Variants in POLR3D observed in about 807,000 individuals in gnomAD.
The protein encoded by POLR3D is RNA polymerase III subunit D.
A neutral mutation model predicts 44.5 loss-of-function variants in POLR3D; 42 were observed. That is an observed-to-expected ratio of 0.94 (90% CI 0.74 to 1.22). The LOEUF is 1.22. Ranked by LOEUF, POLR3D falls within the 50% of genes most tolerant of loss-of-function variation. The pLI is 0.00. For missense variants in POLR3D, 507 were observed against 505.2 expected, an observed-to-expected ratio of 1.00 and a Z score of -0.03; for synonymous variants, 217 against 198.1, an observed-to-expected ratio of 1.10 and a Z score of -0.80.
chr8:22,249,172 A>G lies in POLR3D; in HGVS notation c.784A>G (p.Lys262Glu). 6.2e-7 allele frequency: 1 copy of G among 1,614,050 alleles called. No homozygotes were observed. The highest frequency in any genetic ancestry group is 2.2e-5 in the East Asian group (1 of 44,868). The change falls in exon 7 of 9, where the codon AAG (lysine) becomes GAG (glutamate). Residue 262 changes from lysine to glutamate, a missense_variant. Physicochemically the swap from Lys to Glu is moderately conservative, Grantham distance 56 (BLOSUM62 1). Transcript: ENST00000306433. ...AELLRELSLT[K>E]EEELLFLQLP... ...GCTGCTGAGGGAGCTGAGCCTCACC[A>G]AGGAAGAGGAACTGCTGTTTCTGCA...
Position 22,250,881 on chromosome 8 carries a change from A to T in POLR3D, c.*363A>T, listed in dbSNP as rs1163189795. Reference sequence around the variant, plus strand: ...GGTTGCAGGGGCAGGAAGCGTGTGGACTGCAGCTTCTGCTGGTGCTCCCCC... The same window carrying T: ...GGTTGCAGGGGCAGGAAGCGTGTGGTCTGCAGCTTCTGCTGGTGCTCCCCC... On this transcript the variant is annotated 3_prime_UTR_variant, in exon 9 of 9. Coordinates refer to ENST00000306433, the MANE Select transcript of POLR3D (RefSeq NM_001722.3). 2.2e-5 allele frequency: 6 copies of T among 275,658 alleles called. No homozygotes were observed. Among genetic ancestry groups the T allele is most frequent in the Admixed American group, 4.4e-5 (1 of 22,650 alleles). The allele number at this position is 275,658 out of a possible 1,614,324, so 17.1% of individuals were successfully genotyped here.
At chr8:22,249,961 G>A in intron 7 of POLR3D, 114 bp from the exon 8 acceptor site, 1 of 1,161,400 alleles carries the variant, frequency 8.6e-7, no homozygotes, top group Non-Finnish European at 1.2e-6. Flanking sequence ...GGCACTCTTT[G>A]GGGAGCTCAT....
At position 22,250,711 on chromosome 8, in the gene POLR3D, G is replaced by A. The variant is rs144430925; in HGVS notation, c.*193G>A. 1.7e-5 allele frequency: 11 copies of A among 642,622 alleles called. No individual in the cohort carries two copies. Among genetic ancestry groups the A allele is most frequent in the East Asian group, 2.7e-5 (1 of 37,470 alleles). 39.8% of individuals were successfully genotyped at this position (642,622 alleles called of 1,614,324 possible). A position where few individuals can be genotyped will look rare whatever the true frequency, so the allele number is the denominator to read the frequency against. ...AATGGCACAGTGACCTTCCTGCAGC[G>A]TGGAGATGGCACATCCTTGCTGCTG... is the stretch of plus-strand genomic sequence containing the variant. On this transcript the variant is annotated 3_prime_UTR_variant, in exon 9 of 9. Coordinates refer to ENST00000306433, the MANE Select transcript of POLR3D (RefSeq NM_001722.3).
chr8:22,248,257 G>A lies in POLR3D; in HGVS notation c.465G>A (p.Leu155=). ...CAGACGAAGAAACTAAACAGATCTTGCGTATGCTGGAGAAGGACGATGTGG... is the reference window on the plus strand; with the variant it reads ...CAGACGAAGAAACTAAACAGATCTTACGTATGCTGGAGAAGGACGATGTGG... ...RETDEETKQI[L]RMLEKDDFLD... Residue 155 remains leucine, a synonymous_variant, in exon 5 of 9, where the codon TTG becomes TTA. Transcript: ENST00000306433. The A allele has an allele frequency of 6.2e-7, 1 of 1,614,134 alleles. No individual in the cohort carries two copies. The highest frequency in any genetic ancestry group is 8.5e-7 in the Non-Finnish European group (1 of 1,180,000).
rs768028113 is a variant in POLR3D at position 22,253,592 on chromosome 8, TTTA to T, written c.*3077_*3079del. 2.6e-5 allele frequency: 4 copies of T among 152,260 alleles called. No homozygotes were observed. Among genetic ancestry groups the T allele is most frequent in the Non-Finnish European group, 4.4e-5 (3 of 68,048 alleles). 9.4% of individuals were successfully genotyped at this position (152,260 alleles called of 1,614,324 possible). ...AACTTTTTAAAATATTCAGTCACCT[TTTA>T]TTCTACTAAAATCAATTTTAACATT... is the stretch of plus-strand genomic sequence containing the variant. On this transcript the variant is annotated 3_prime_UTR_variant, in exon 9 of 9. Coordinates refer to ENST00000306433, the MANE Select transcript of POLR3D (RefSeq NM_001722.3).
At position 22,252,549 on chromosome 8, in the gene POLR3D, C is replaced by T. The variant is rs77689422; in HGVS notation, c.*2031C>T. ...GAACCTTATGACTCCGTATCAAAGT[C>T]CTCACAACCTGTCTCAGATCCCTGA... is the stretch of plus-strand genomic sequence containing the variant. On this transcript the variant is annotated 3_prime_UTR_variant, in exon 9 of 9. Transcript: ENST00000306433. 1.1e-4 allele frequency: 16 copies of T among 152,278 alleles called. No individual in the cohort carries two copies. The highest frequency in any genetic ancestry group is 3.8e-4 in the African/African-American group (16 of 41,564). The allele number at this position is 152,278 out of a possible 1,614,324, so 9.4% of individuals were successfully genotyped here.
rs760996144 is a variant in POLR3D at position 22,248,622 on chromosome 8, A to G, written c.628A>G (p.Met210Val). Residue 210 changes from methionine (M) to valine (V), a missense_variant, in exon 6 of 9, where the codon ATG becomes GTG. Physicochemically the swap from Met to Val is conservative, Grantham distance 21. Transcript: ENST00000306433. ...GCTGGCTGGCCCCAAGGAAGAGGACATGGAGGTGGACATACCTGCTGTGAA... is the reference window on the plus strand; with the variant it reads ...GCTGGCTGGCCCCAAGGAAGAGGACGTGGAGGTGGACATACCTGCTGTGAA... Reference protein sequence around the residue: ...PWLAGPKEEDMEVDIPAVKVK... With the variant: ...PWLAGPKEEDVEVDIPAVKVK... The G allele has an allele frequency of 1.2e-6, 2 of 1,613,880 alleles. No homozygotes were observed. Among genetic ancestry groups the G allele is most frequent in the Non-Finnish European group, 1.7e-6 (2 of 1,179,982 alleles).
chr8:22,245,519 C>G lies in POLR3D; in HGVS notation c.70C>G (p.Arg24Gly), dbSNP rs1006397319. ...GCCCCGACCTCTCCTGACTGGGGCC[C>G]GGGGGCTCATCGGGCGGCGGCCGGC... ...GGPRPLLTGA[R>G]GLIGRRPAPP... is the part of the protein sequence containing the mutation. Residue 24 changes from arginine (R) to glycine (G), a missense_variant, in exon 2 of 9, where the codon CGG (arginine) becomes GGG (glycine). Transcript: ENST00000306433. The G allele has an allele frequency of 1.1e-5, 14 of 1,280,670 alleles. No homozygotes were observed. In the African/African-American group the frequency reaches 1.7e-4, roughly 15 times the overall value. The allele number at this position is 1,280,670 out of a possible 1,614,324, so 79.3% of individuals were successfully genotyped here. A position where few individuals can be genotyped will look rare whatever the true frequency, so the allele number is the denominator to read the frequency against.
intron 3 of POLR3D, among the ~76,000 whole-genome samples, chr8:22,247,566 T>C (rs2131948236): frequency 6.6e-6 from 1 of 152,330 alleles, no homozygotes; most frequent in Non-Finnish European, 1.5e-5. Context: ...AACAAAGATG[T>C]ATCACACTTT....
Position 22,253,639 on chromosome 8 carries a change from T to C in POLR3D, c.*3121T>C, listed in dbSNP as rs1175955083. ...TAACATTTTAGTGTATATTATTTTA[T>C]TTTAGATTCAGCAGGTACATGAGCA... is the stretch of plus-strand genomic sequence containing the variant. On this transcript the variant is annotated 3_prime_UTR_variant, in exon 9 of 9. Coordinates refer to ENST00000306433, the MANE Select transcript of POLR3D (RefSeq NM_001722.3). 2 of 152,228 alleles carry C rather than the reference T, an allele frequency of 1.3e-5. No individual in the cohort carries two copies. Among genetic ancestry groups the C allele is most frequent in the African/African-American group, 2.4e-5 (1 of 41,466 alleles). The allele number at this position is 152,228 out of a possible 1,614,324, so 9.4% of individuals were successfully genotyped here. A position where few individuals can be genotyped will look rare whatever the true frequency, so the allele number is the denominator to read the frequency against.
chr8:22,249,927 C>A, intron 7 of POLR3D, 148 bp from the exon 8 acceptor site: 1 of 736,032 alleles, frequency 1.4e-6, no homozygotes, highest in Non-Finnish European at 2.2e-6. Context: ...TGTATTTTAA[C>A]CATAGCAGAC....
chr8:22,249,887 T>A (rs1479131711), intron 7 of POLR3D, among the ~76,000 whole-genome samples, 188 bp from the exon 8 acceptor site: 1 of 152,192 alleles, frequency 6.6e-6, no homozygotes, highest in Non-Finnish European at 1.5e-5. Flanking sequence ...TGATATTTTG[T>A]CCGTGTATGT....
In POLR3D at chr8:22,250,666, T is replaced by C. The variant is rs923212173; in HGVS notation, c.*148T>C. 12 of 913,900 alleles carry C rather than the reference T, an allele frequency of 1.3e-5. No individual in the cohort carries two copies. The highest frequency in any genetic ancestry group is 3.3e-5 in the African/African-American group (2 of 61,232). The allele number at this position is 913,900 out of a possible 1,614,324, so 56.6% of individuals were successfully genotyped here. Reference sequence around the variant, plus strand: ...ACCATTGTTCCAGGTCCCCCAGGGCTTCCTCCCACAGCAGCTGTGAATGGC... The same window carrying C: ...ACCATTGTTCCAGGTCCCCCAGGGCCTCCTCCCACAGCAGCTGTGAATGGC... On this transcript the variant is annotated 3_prime_UTR_variant, in exon 9 of 9. Transcript: ENST00000306433.
At position 22,245,446 on chromosome 8, in the gene POLR3D, C is replaced by A. The variant is rs777296860; in HGVS notation, c.-4C>A. On this transcript the variant is annotated splice_region_variant and 5_prime_UTR_variant, in exon 2 of 9. Transcript: ENST00000306433. ...ATCTCGTCGCCCCTTCTCTCCCAGGCAACATGTCGGAAGGAAACGCCGCCG... is the reference window on the plus strand; with the variant it reads ...ATCTCGTCGCCCCTTCTCTCCCAGGAAACATGTCGGAAGGAAACGCCGCCG... 7.6e-7 allele frequency: 1 copy of A among 1,309,740 alleles called. No individual in the cohort carries two copies. The highest frequency in any genetic ancestry group is 2.8e-5 in the East Asian group (1 of 35,602). 81.1% of individuals were successfully genotyped at this position (1,309,740 alleles called of 1,614,324 possible).
At chr8:22,248,759 TC>T in intron 6 of POLR3D, 110 bp downstream of exon 6, 1 of 1,078,878 alleles carries the variant, frequency 9.3e-7, no homozygotes, top group Non-Finnish European at 1.4e-6. Context: ...GAGCAGGTCC[TC>T]CCATTCCGGC....
chr8:22,248,725 C>T (rs949537967), intron 6 of POLR3D, 76 bp downstream of exon 6: 26 of 1,417,070 alleles, frequency 1.8e-5, no homozygotes, highest in African/African-American at 5.6e-5. Context: ...GCATCCCTTG[C>T]ATGTGCCCCT....
chr8:22,249,396 C>A, intron 7 of POLR3D, 87 bp downstream of exon 7: 1 of 1,451,788 alleles, frequency 6.9e-7, no homozygotes, highest in Non-Finnish European at 9.5e-7. Context: ...GCCGTGTCAC[C>A]CTGGCTGAAA....
chr8:22,249,039 G>T lies in POLR3D; in HGVS notation c.656-5G>T. 6.2e-7 allele frequency: 1 copy of T among 1,613,490 alleles called. No individual in the cohort carries two copies. Among genetic ancestry groups the T allele is most frequent in the Non-Finnish European group, 8.5e-7 (1 of 1,179,784 alleles). On this transcript the variant is annotated splice_region_variant and splice_polypyrimidine_tract_variant and intron_variant, in intron 6 of 8. Coordinates refer to ENST00000306433, the MANE Select transcript of POLR3D (RefSeq NM_001722.3). ...GATAGCATTCCATGTCTATCACCCGGGCAGTGAAAGAGGAGCCACGAGATG... is the reference window on the plus strand; with the variant it reads ...GATAGCATTCCATGTCTATCACCCGTGCAGTGAAAGAGGAGCCACGAGATG...
Position 22,248,665 on chromosome 8 carries a change from A to T in POLR3D, c.655+16A>T. Reference sequence around the variant, plus strand: ...GCTGTGAAAGGTACTCTGTCGGTTAACTTCTCATCTCCAATTCCATGGCTG... The same window carrying T: ...GCTGTGAAAGGTACTCTGTCGGTTATCTTCTCATCTCCAATTCCATGGCTG... On this transcript the variant is annotated intron_variant, in intron 6 of 8. Coordinates refer to ENST00000306433, the MANE Select transcript of POLR3D (RefSeq NM_001722.3). 6.2e-7 allele frequency: 1 copy of T among 1,605,608 alleles called. No individual in the cohort carries two copies.
Sources: gnomAD v4.1 joint callset for allele counts (sites outside exome capture counted in the v4.1 genomes callset) on GRCh38, gnomAD v4.1.1 for gene constraint, MANE v1.5 for transcripts, NCBI Gene and HGNC (gene_info 2026-07-23, HGNC 2026-07-21) for gene names.